ESR2: variants seen among roughly 807,000 people sequenced by gnomAD.
ESR2 encodes the protein estrogen receptor beta.
Under a neutral mutation model 49.6 loss-of-function variants are expected in ESR2, and 36 were observed. The observed-to-expected ratio is 0.73, with a 90% CI of 0.56 to 0.96. ESR2 has a LOEUF of 0.96. Among genes scored for constraint, ESR2 ranks in the 40% least tolerant of loss-of-function variants. The pLI is 0.00. For synonymous variants in ESR2, 320 were observed against 266.1 expected (o/e 1.20, Z -1.97); for missense variants, 714 against 693.0 (o/e 1.03, Z -0.34).
At chr14:64,299,589 C>T (rs978269640) in intron 1 of ESR2, among the ~76,000 whole-genome samples, 14 of 152,080 alleles carry the variant, frequency 9.2e-5, no homozygotes. Flanking sequence ...GTCTCGATCT[C>T]CTGGCCTCCT....
intron 3 of ESR2, 34 bp from the exon 4 acceptor site, chr14:64,268,945 G>C (rs747435217): frequency 2.5e-5 from 30 of 1,185,948 alleles, no homozygotes; most frequent in Non-Finnish European, 3.6e-5. Flanking sequence ...AAAGATTATT[G>C]CTATGATCTC....
chr14:64,337,136 A>G (rs1567811126), intron 1 of ESR2, among the ~76,000 whole-genome samples: 1 of 152,238 alleles, frequency 6.6e-6, no homozygotes, highest in Non-Finnish European at 1.5e-5. Context: ...CAGTAAATGA[A>G]TGGCTTGTAC....
At chr14:64,324,581 T>A (rs2077366757) in intron 1 of ESR2, among the ~76,000 whole-genome samples, 1 of 152,218 alleles carries the variant, frequency 6.6e-6, no homozygotes, top group South Asian at 2.1e-4. Context: ...GGATCTTTTG[T>A]TGTTCCCTAT....
Position 64,230,257 on chromosome 14 carries a change from G to A in ESR2, c.*2880C>T, listed in dbSNP as rs1274371834. 6.6e-6 allele frequency among the ~76,000 whole-genome samples: 1 copy of A among 151,122 alleles called. No homozygotes were observed. Among genetic ancestry groups the A allele is most frequent in the East Asian group, 1.9e-4 (1 of 5,172 alleles). On this transcript the variant is annotated 3_prime_UTR_variant, in exon 9 of 9. Transcript: ENST00000341099. ...AGTGAGGATACTTTGTTTCAAAATA[G>A]GCCTATAAACAGAAGGTTCACTTTG...
At chr14:64,317,445 C>G (rs921646049) in intron 1 of ESR2, among the ~76,000 whole-genome samples, 3 of 152,158 alleles carry the variant, frequency 2.0e-5, no homozygotes. Flanking sequence ...CAGCACCTGA[C>G]AGCATATCAC....
intron 7 of ESR2, among the ~76,000 whole-genome samples, chr14:64,246,962 G>A (rs2075873347): frequency 6.6e-6 from 1 of 151,988 alleles, no homozygotes; most frequent in Non-Finnish European, 1.5e-5. Flanking sequence ...TGTCTTCCAG[G>A]TCTCTGTACC....
chr14:64,298,131 T>G (rs1471055185), upstream of ESR2, among the ~76,000 whole-genome samples: 1 of 152,216 alleles, frequency 6.6e-6, no homozygotes, highest in Non-Finnish European at 1.5e-5. Flanking sequence ...AAACTTGAAT[T>G]TGGATAGAGC....
chr14:64,309,428 A>G (rs2077155436), intron 1 of ESR2, among the ~76,000 whole-genome samples: 1 of 151,946 alleles, frequency 6.6e-6, no homozygotes, highest in South Asian at 2.1e-4. Context: ...CCTGGCCAAC[A>G]TAGTGAAACC....
chr14:64,275,088 T>A (rs1461514894), intron 3 of ESR2, among the ~76,000 whole-genome samples: 1 of 152,248 alleles, frequency 6.6e-6, no homozygotes, highest in African/African-American at 2.4e-5. Context: ...GGATGAAATA[T>A]TCTGTAAATA....
At chr14:64,304,891 C>A (rs1255879032) in intron 1 of ESR2, among the ~76,000 whole-genome samples, 5 of 150,812 alleles carry the variant, frequency 3.3e-5, no homozygotes, top group South Asian at 2.1e-4. Flanking sequence ...AACAAACAAA[C>A]AATAAATAAA....
At chr14:64,283,204 G>A (rs1458552839) in intron 1 of ESR2, 129 bp from the exon 2 acceptor site, 2 of 405,276 alleles carry the variant, frequency 4.9e-6, no homozygotes, top group African/African-American at 4.0e-5. Context: ...AAATATACAT[G>A]AAAATATTAA....
chr14:64,279,187 T>G (rs952816093), intron 3 of ESR2, among the ~76,000 whole-genome samples: 3 of 152,232 alleles, frequency 2.0e-5, no homozygotes, highest in Non-Finnish European at 4.4e-5. Context: ...TCAGGCTGAA[T>G]CAATGTACAT....
chr14:64,298,545 G>A (rs1435377463), upstream of ESR2: 2 of 152,170 alleles, frequency 1.3e-5, no homozygotes, highest in African/African-American at 4.8e-5. Context: ...GCATATTTAT[G>A]TAACTTATTC....
At chr14:64,266,752 T>C (rs1367702126) in intron 4 of ESR2, among the ~76,000 whole-genome samples, 2 of 152,216 alleles carry the variant, frequency 1.3e-5, no homozygotes, top group Non-Finnish European at 2.9e-5. Context: ...AGCAAGAACC[T>C]AGATACTTCT....
At chr14:64,245,164 G>A (rs759764110) in intron 7 of ESR2, among the ~76,000 whole-genome samples, 34 of 151,972 alleles carry the variant, frequency 2.2e-4, no homozygotes, top group Non-Finnish European at 4.3e-4. Flanking sequence ...TCCCATTTTC[G>A]CCATAGCAAT....
rs1179062396 is a variant in ESR2 at position 64,228,331 on chromosome 14, A to G, written c.*4806T>C. 6.6e-6 allele frequency among the ~76,000 whole-genome samples: 1 copy of G among 152,206 alleles called. No individual in the cohort carries two copies. The highest frequency in any genetic ancestry group is 2.4e-5 in the African/African-American group (1 of 41,446). ...CAACAAATACATTTTTAAAGCCAAA[A>G]TAATGAAACACTTTATTTATATCAT... is the stretch of plus-strand genomic sequence containing the variant. On this transcript the variant is annotated 3_prime_UTR_variant, in exon 9 of 9. Coordinates refer to ENST00000341099, the MANE Select transcript of ESR2 (RefSeq NM_001437.3).
chr14:64,293,078 T>C (rs975075787), intron 1 of ESR2, among the ~76,000 whole-genome samples: 8 of 152,230 alleles, frequency 5.3e-5, no homozygotes, highest in African/African-American at 1.7e-4. Context: ...CAGATCCTTA[T>C]AGTTTCCTTC....
intron 1 of ESR2, among the ~76,000 whole-genome samples, chr14:64,289,448 G>T (rs1277439567): frequency 6.6e-6 from 1 of 151,982 alleles, no homozygotes; most frequent in Non-Finnish European, 1.5e-5. Flanking sequence ...GGAGGTGGAG[G>T]TTGCAGTGAG....
At chr14:64,310,142 A>T (rs1378486436) in intron 1 of ESR2, among the ~76,000 whole-genome samples, 1 of 151,084 alleles carries the variant, frequency 6.6e-6, no homozygotes, top group Non-Finnish European at 1.5e-5. Flanking sequence ...GCACGCTGGC[A>T]GGTGCCTGTA....
Sources: allele counts gnomAD v4.1 joint callset (sites outside exome capture counted in the v4.1 genomes callset), GRCh38; gene constraint gnomAD v4.1.1; transcripts MANE v1.5; gene names NCBI Gene and HGNC (gene_info 2026-07-23, HGNC 2026-07-21).